Variants in MAML2 observed in about 807,000 individuals in gnomAD.
MAML2 encodes the protein mastermind-like protein 2.
MAML2 carries 22 observed loss-of-function variants against 96.1 expected under a neutral mutation model. That is an observed-to-expected ratio of 0.23 (90% CI 0.16 to 0.33). The LOEUF is 0.33. Among genes scored for constraint, MAML2 ranks in the 10% least tolerant of loss-of-function variants. MAML2 has a pLI of 1.00. For synonymous variants in MAML2, 561 were observed against 521.3 expected (o/e 1.08, Z -1.04); for missense variants, 1,367 against 1,392.4 (o/e 0.98, Z 0.29).
At chr11:96,121,947 C>G (rs569216448) in intron 1 of MAML2, among the ~76,000 whole-genome samples, 84 of 113,154 alleles carry the variant, frequency 7.4e-4, no homozygotes, top group Admixed American at 9.3e-4. Context: ...CCACCACGCC[C>G]GGCTTTTTTT....
At position 95,979,681 on chromosome 11, in the gene MAML2, G is replaced by T. The variant is rs138346594; in HGVS notation, c.2738C>A (p.Thr913Asn). 2 of 1,613,840 alleles carry T rather than the reference G, an allele frequency of 1.2e-6. No individual in the cohort carries two copies. The highest frequency in any genetic ancestry group is 3.3e-5 in the Admixed American group (2 of 59,994). Reference protein sequence around the residue: ...QNNPMMPRPPTLGPSNNNNVA... With the variant: ...QNNPMMPRPPNLGPSNNNNVA... ...ATTGTTATTATTACTTGGCCCTAAG[G>T]TAGGTGGCCGTGGCATCATAGGGTT... The change falls in exon 5 of 5, where the codon ACC becomes AAC. Residue 913 changes from threonine to asparagine, a missense_variant. Physicochemically the swap from Thr to Asn is moderately conservative, Grantham distance 65. Coordinates refer to ENST00000524717, the MANE Select transcript of MAML2 (RefSeq NM_032427.4).
chr11:96,286,627 CTTTTT>C (rs10550785), intron 1 of MAML2, among the ~76,000 whole-genome samples: 3 of 142,610 alleles, frequency 2.1e-5, no homozygotes, highest in Non-Finnish European at 3.1e-5. Flanking sequence ...TTCTTTTTAT[CTTTTT>C]TTTTTTTTTT....
At chr11:96,113,978 C>T (rs773157159) in intron 1 of MAML2, among the ~76,000 whole-genome samples, 8 of 151,904 alleles carry the variant, frequency 5.3e-5, no homozygotes, top group Admixed American at 1.3e-4. Context: ...GATGAAGCCC[C>T]GCTCTAGGAA....
intron 1 of MAML2, among the ~76,000 whole-genome samples, chr11:96,214,290 C>T (rs944972119): frequency 9.9e-5 from 15 of 152,160 alleles, no homozygotes; most frequent in Admixed American, 5.9e-4. Context: ...GTGGAGAAAA[C>T]GTTTTTGAGT....
chr11:96,318,498 A>AAAAAC (rs924499028), intron 1 of MAML2, among the ~76,000 whole-genome samples: 3 of 152,212 alleles, frequency 2.0e-5, no homozygotes, highest in Admixed American at 6.5e-5. Flanking sequence ...ACATTTTTCT[A>AAAAAC]AAAACAAAAC....
Position 95,977,553 on chromosome 11 carries a change from T to A in MAML2, c.*1395A>T. On this transcript the variant is annotated 3_prime_UTR_variant, in exon 5 of 5. Transcript: ENST00000524717. ...TGAAAGGGCTGAAGATAACCTTTGC[T>A]CCTCTGTAATTAGGAAAATGATAGT... 1 of 206,114 alleles carries A rather than the reference T, an allele frequency of 4.9e-6. No individual in the cohort carries two copies. Among genetic ancestry groups the A allele is most frequent in the Non-Finnish European group, 9.9e-6 (1 of 100,800 alleles). The allele number at this position is 206,114 out of a possible 1,614,324, so 12.8% of individuals were successfully genotyped here.
intron 1 of MAML2, among the ~76,000 whole-genome samples, chr11:96,116,392 G>A (rs1860242268): frequency 6.6e-6 from 1 of 152,150 alleles, no homozygotes; most frequent in Admixed American, 6.5e-5. Flanking sequence ...CTGCAGAAGG[G>A]CCATATTATA....
intron 1 of MAML2, among the ~76,000 whole-genome samples, chr11:96,136,313 A>G (rs1280142245): frequency 6.6e-6 from 1 of 150,954 alleles, no homozygotes. Context: ...AGTTATATGT[A>G]TATATGTAAT....
chr11:96,202,382 A>C (rs1185093839), intron 1 of MAML2, among the ~76,000 whole-genome samples: 1 of 151,394 alleles, frequency 6.6e-6, no homozygotes, highest in Non-Finnish European at 1.5e-5. Flanking sequence ...ATTATGTTTC[A>C]GCAGTTTTAT....
chr11:96,064,975 A>C (rs1852981963), intron 2 of MAML2, among the ~76,000 whole-genome samples: 1 of 152,252 alleles, frequency 6.6e-6, no homozygotes, highest in South Asian at 2.1e-4. Context: ...AAAAGTGATT[A>C]GAATTCATGC....
rs184435385 is a variant in MAML2 at position 96,239,727 on chromosome 11, C to T, written c.513+101656G>A. 8.1e-3 allele frequency among the ~76,000 whole-genome samples: 1,226 copies of T among 152,112 alleles called. 16 individuals carry two copies. Among genetic ancestry groups the T allele is most frequent in the African/African-American group, 0.023 (965 of 41,422 alleles). On this transcript the variant is annotated intron_variant, in intron 1 of 4. Transcript: ENST00000524717. The stretch of plus-strand genomic sequence containing the variant: ...CATTAGGACATAGAATAATAGCACC[C>T]ATGTCATAGAGCAGCAGTGGTGGTC...
intron 2 of MAML2, among the ~76,000 whole-genome samples, chr11:96,011,197 A>G (rs1397043092): frequency 6.6e-6 from 1 of 152,198 alleles, no homozygotes; most frequent in African/African-American, 2.4e-5. Flanking sequence ...CTACCATTTG[A>G]CCCAGCAATT....
chr11:96,095,906 T>C (rs1408168785), intron 1 of MAML2, among the ~76,000 whole-genome samples: 3 of 152,258 alleles, frequency 2.0e-5, no homozygotes, highest in South Asian at 4.1e-4. Context: ...CTCTGCATGA[T>C]TTGCTGACTC....
chr11:96,342,623 A>T lies in MAML2; in HGVS notation c.-728T>A. Reference sequence around the variant, plus strand: ...CTGTAGGATGTTGTCTTCTCCCAAAAGAGGGAGACAGCTTTTCAACTGTTA... The same window carrying T: ...CTGTAGGATGTTGTCTTCTCCCAAATGAGGGAGACAGCTTTTCAACTGTTA... On this transcript the variant is annotated 5_prime_UTR_variant, in exon 1 of 5. Transcript: ENST00000524717. The T allele has an allele frequency of 2.6e-6, 1 of 390,124 alleles. No homozygotes were observed. Among genetic ancestry groups the T allele is most frequent in the Non-Finnish European group, 4.5e-6 (1 of 221,264 alleles). 24.2% of individuals were successfully genotyped at this position (390,124 alleles called of 1,614,324 possible).
intron 1 of MAML2, among the ~76,000 whole-genome samples, chr11:96,251,052 T>A (rs1295870779): frequency 6.6e-6 from 1 of 152,210 alleles, no homozygotes. Flanking sequence ...TTTTTAGCAA[T>A]TTTATATCGC....
At chr11:96,213,522 C>A (rs1475060350) in intron 1 of MAML2, among the ~76,000 whole-genome samples, 1 of 152,182 alleles carries the variant, frequency 6.6e-6, no homozygotes, top group Non-Finnish European at 1.5e-5. Flanking sequence ...GAAATCATAG[C>A]ATCCCATATG....
At chr11:96,136,375 CAAG>C (rs969494837) in intron 1 of MAML2, among the ~76,000 whole-genome samples, 1 of 152,040 alleles carries the variant, frequency 6.6e-6, no homozygotes, top group Non-Finnish European at 1.5e-5. Flanking sequence ...TAACAACTGA[CAAG>C]AAATTAAATA....
chr11:96,243,243 A>G (rs1209665266), intron 1 of MAML2, among the ~76,000 whole-genome samples: 2 of 152,172 alleles, frequency 1.3e-5, no homozygotes, highest in African/African-American at 2.4e-5. Flanking sequence ...TCAAGCTGAC[A>G]AAAGAAGACA....
chr11:96,225,053 T>A (rs549001670), intron 1 of MAML2, among the ~76,000 whole-genome samples: 1 of 152,316 alleles, frequency 6.6e-6, no homozygotes, highest in South Asian at 2.1e-4. Flanking sequence ...GGAGTTTCAA[T>A]GTTTAGGTAT....
Sources: allele counts gnomAD v4.1 joint callset (sites outside exome capture counted in the v4.1 genomes callset), GRCh38; gene constraint gnomAD v4.1.1; transcripts MANE v1.5; gene names NCBI Gene and HGNC (gene_info 2026-07-23, HGNC 2026-07-21).